Variants in KMT5B observed in about 807,000 individuals in gnomAD.
KMT5B encodes histone-lysine N-methyltransferase KMT5B.
KMT5B carries 10 observed loss-of-function variants against 83.2 expected under a neutral mutation model. That is an observed-to-expected ratio of 0.12 (90% confidence interval 0.07 to 0.20). KMT5B has a LOEUF of 0.20. Among genes scored for constraint, KMT5B ranks in the 10% least tolerant of loss-of-function variants. The pLI, the probability that KMT5B is intolerant of heterozygous loss-of-function variation, is 1.00. For missense variants in KMT5B, 753 were observed against 1,067.2 expected, an observed-to-expected ratio of 0.71 and a Z score of 4.10; for synonymous variants, 349 against 388.8, an observed-to-expected ratio of 0.90 and a Z score of 1.20.
At chr11:68,190,873 C>T (rs1448654235) in intron 1 of KMT5B, among the ~76,000 whole-genome samples, 1 of 152,108 alleles carries the variant, frequency 6.6e-6, no homozygotes, top group Non-Finnish European at 1.5e-5. Flanking sequence ...GTTCCAGCTA[C>T]TTGAGAGGCT....
intron 1 of KMT5B, among the ~76,000 whole-genome samples, chr11:68,207,575 G>A (rs529447240): frequency 2.0e-3 from 298 of 152,070 alleles, no homozygotes; most frequent in African/African-American, 6.7e-3. Context: ...GGCGGATCAC[G>A]AGGTCAAGAA....
intron 3 of KMT5B, among the ~76,000 whole-genome samples, chr11:68,183,163 C>A (rs1409746709): frequency 6.6e-6 from 1 of 151,090 alleles, no homozygotes; most frequent in African/African-American, 2.4e-5. Flanking sequence ...CTGAATGCCA[C>A]TAGACTACTG....
At chr11:68,189,874 C>A in intron 2 of KMT5B, 43 bp downstream of exon 2, 1 of 1,570,526 alleles carries the variant, frequency 6.4e-7, no homozygotes, top group East Asian at 2.3e-5. Context: ...AATTACTACC[C>A]CATATCACAA....
chr11:68,173,775 T>G (rs1488728456), intron 6 of KMT5B, 29 bp downstream of exon 6: 1 of 1,322,062 alleles, frequency 7.6e-7, no homozygotes, highest in Non-Finnish European at 1.1e-6. Flanking sequence ...TTAAATTAAA[T>G]TAAAGGCTTA....
At chr11:68,188,903 T>G (rs1012026635) in intron 2 of KMT5B, among the ~76,000 whole-genome samples, 1 of 152,144 alleles carries the variant, frequency 6.6e-6, no homozygotes, top group African/African-American at 2.4e-5. Flanking sequence ...GTGAGTGGTG[T>G]CCATGCAGAG....
At position 68,179,680 on chromosome 11, in the gene KMT5B, G is replaced by C. The variant is rs1035154658; in HGVS notation, c.377+452C>G. The C allele has an allele frequency of 6.3e-6, 7 of 1,111,924 alleles. No individual in the cohort carries two copies. The African/African-American group carries it at 9.9e-5, about 16-fold the overall frequency. The allele number at this position is 1,111,924 out of a possible 1,614,324, so 68.9% of individuals were successfully genotyped here. On this transcript the variant is annotated intron_variant, in intron 4 of 10. Transcript: ENST00000304363. ...GGAGACAGGGAAGGAGAGAGGAAGA[G>C]AGAAAAATGCTCAAATATTTAAGAT...
intron 3 of KMT5B, among the ~76,000 whole-genome samples, chr11:68,181,557 C>T (rs1321134178): frequency 2.0e-5 from 3 of 152,196 alleles, no homozygotes; most frequent in Non-Finnish European, 2.9e-5. Context: ...AAGAGCAGTA[C>T]ATCTTCTGGT....
intron 1 of KMT5B, among the ~76,000 whole-genome samples, chr11:68,211,473 T>C (rs1205712925): frequency 1.3e-5 from 2 of 152,238 alleles, no homozygotes; most frequent in African/African-American, 2.4e-5. Flanking sequence ...TATAATTATG[T>C]TTGTAAACAA....
chr11:68,165,804 A>G, intron 10 of KMT5B: 1 of 1,580,324 alleles, frequency 6.3e-7, no homozygotes, highest in Non-Finnish European at 8.6e-7. Context: ...ACATTAACGA[A>G]AAAGACTGGA....
chr11:68,205,145 CA>C (rs58389289), intron 1 of KMT5B, among the ~76,000 whole-genome samples: 29,348 of 142,824 alleles, frequency 0.21, 3,300 homozygotes, highest in African/African-American at 0.33. Context: ...TCATCTCTAC[CA>C]AAAAAAAAAA....
chr11:68,201,917 C>A (rs1374192046), intron 1 of KMT5B, among the ~76,000 whole-genome samples: 1 of 137,392 alleles, frequency 7.3e-6, no homozygotes. Context: ...CCAGTCTCTA[C>A]CAAAAAAAAA....
chr11:68,188,719 T>C (rs961750445), intron 2 of KMT5B, among the ~76,000 whole-genome samples: 4 of 152,202 alleles, frequency 2.6e-5, no homozygotes, highest in African/African-American at 9.6e-5. Context: ...TTTTGCACTA[T>C]GATACACAAA....
intron 5 of KMT5B, chr11:68,174,183 G>GC (rs1202940423): frequency 3.1e-5 from 17 of 551,562 alleles, no homozygotes; most frequent in South Asian, 9.4e-5. Context: ...CTGCACTCCA[G>GC]CCTGGGTGAC....
At chr11:68,179,625 G>T in intron 4 of KMT5B, 1 of 1,258,646 alleles carries the variant, frequency 7.9e-7, no homozygotes, top group Non-Finnish European at 1.0e-6. Context: ...GACTGGAGGG[G>T]TGGGGAACAG....
At chr11:68,167,249 T>G (rs1855396510) in intron 9 of KMT5B, 71 bp from the exon 10 acceptor site, 1 of 1,518,390 alleles carries the variant, frequency 6.6e-7, no homozygotes. Context: ...CTGCTGAGGG[T>G]ACTTGGCTAC....
chr11:68,176,238 G>C (rs923145478), intron 4 of KMT5B, among the ~76,000 whole-genome samples: 2 of 152,060 alleles, frequency 1.3e-5, no homozygotes, highest in Non-Finnish European at 2.9e-5. Context: ...TTCCATTGTA[G>C]AATCAGCCAC....
At chr11:68,208,693 A>C (rs1204510902) in intron 1 of KMT5B, among the ~76,000 whole-genome samples, 2 of 152,028 alleles carry the variant, frequency 1.3e-5, no homozygotes, top group East Asian at 1.9e-4. Flanking sequence ...AAAATTGTAA[A>C]TATAAAAACA....
At chr11:68,170,569 T>C (rs913914302) in intron 9 of KMT5B, among the ~76,000 whole-genome samples, 21 of 152,144 alleles carry the variant, frequency 1.4e-4, no homozygotes, top group African/African-American at 4.6e-4. Flanking sequence ...AGGTTCCTTA[T>C]TGAATGACTG....
intron 4 of KMT5B, chr11:68,179,372 C>T (rs1018055378): frequency 4.3e-5 from 49 of 1,130,734 alleles, no homozygotes; most frequent in Middle Eastern, 4.7e-4. Context: ...TTTACACTTC[C>T]AATCAATGGC....
Sources: allele counts gnomAD v4.1 joint callset (sites outside exome capture counted in the v4.1 genomes callset), GRCh38; gene constraint gnomAD v4.1.1; transcripts MANE v1.5; gene names NCBI Gene and HGNC (gene_info 2026-07-23, HGNC 2026-07-21).